The following EYS variants were observed in gnomAD, a reference collection of about 807,000 sequenced individuals.
EYS encodes protein eyes shut homolog.
A neutral mutation model predicts 282.1 loss-of-function variants in EYS; 250 were observed. That is an observed-to-expected ratio of 0.89 (90% CI 0.80 to 0.98). The LOEUF is 0.98. EYS is among the 50% of genes least tolerant of loss of function. The pLI is 0.00. For missense variants in EYS, 4,016 were observed against 3,709.0 expected (o/e 1.08, Z -2.15); for synonymous variants, 1,355 against 1,282.9 (o/e 1.06, Z -1.20).
intron 12 of EYS, among the ~76,000 whole-genome samples, chr6:65,097,139 A>T (rs540620268): frequency 1.3e-5 from 2 of 151,268 alleles, no homozygotes; most frequent in South Asian, 4.2e-4. Flanking sequence ...TACTCCTACA[A>T]TTCAAAAACA....
At chr6:65,145,231 A>G (rs1252814965) in intron 12 of EYS, among the ~76,000 whole-genome samples, 1 of 152,098 alleles carries the variant, frequency 6.6e-6, no homozygotes, top group Non-Finnish European at 1.5e-5. Flanking sequence ...TTTGATATTA[A>G]TATTTAAAAA....
At chr6:64,555,726 G>C (rs989147446) in intron 26 of EYS, among the ~76,000 whole-genome samples, 68 of 151,966 alleles carry the variant, frequency 4.5e-4, no homozygotes, top group African/African-American at 1.6e-3. Flanking sequence ...GATCAAATCA[G>C]GGTAATTGGG....
chr6:63,939,611 T>A (rs1330272398), intron 35 of EYS, among the ~76,000 whole-genome samples: 1 of 152,180 alleles, frequency 6.6e-6, no homozygotes, highest in Non-Finnish European at 1.5e-5. Context: ...ATGGGTTCAC[T>A]TATATATGGA....
intron 12 of EYS, among the ~76,000 whole-genome samples, chr6:65,244,347 C>T (rs1020342979): frequency 2.6e-5 from 4 of 151,950 alleles, no homozygotes; most frequent in Non-Finnish European, 2.9e-5. Context: ...TTCACTTTAC[C>T]TACAAATTAA....
chr6:64,689,808 C>T (rs1254083796), intron 22 of EYS, among the ~76,000 whole-genome samples: 1 of 152,242 alleles, frequency 6.6e-6, no homozygotes, highest in East Asian at 1.9e-4. Flanking sequence ...CTTCCTTACA[C>T]CTTATGCAAA....
intron 36 of EYS, among the ~76,000 whole-genome samples, chr6:63,853,383 A>G (rs1470987156): frequency 1.3e-5 from 2 of 152,204 alleles, no homozygotes; most frequent in East Asian, 1.9e-4. Flanking sequence ...GCCATTCACA[A>G]TTGCTACAAA....
At chr6:64,031,246 C>A (rs945379196) in intron 33 of EYS, among the ~76,000 whole-genome samples, 6 of 152,214 alleles carry the variant, frequency 3.9e-5, no homozygotes, top group Non-Finnish European at 7.4e-5. Context: ...CAGCTCCGCA[C>A]TCAGAGGGGC....
rs1772554849 is a variant in EYS, at chr6:65,030,251, T to C, written c.2137+27363A>G. Among the ~76,000 whole-genome samples the C allele has an allele frequency of 7.2e-5, 11 of 152,270 alleles. No homozygotes were observed. The South Asian group carries it at 1.9e-3, about 26-fold the overall frequency. On this transcript the variant is annotated intron_variant, in intron 13 of 42. Transcript: ENST00000503581. The stretch of plus-strand genomic sequence containing the variant: ...ACTCCTAGGGTCCCTGCTTGGCTGA[T>C]GCTGCTTGCAGCACAGTGTCAGATG...
chr6:65,670,481 T>G (rs1168062997), intron 1 of EYS, among the ~76,000 whole-genome samples: 1 of 152,120 alleles, frequency 6.6e-6, no homozygotes, highest in Non-Finnish European at 1.5e-5. Context: ...TGTGTGCTAC[T>G]GTTCTGTGCC....
chr6:63,874,345 T>A (rs551742948), intron 35 of EYS, among the ~76,000 whole-genome samples: 1 of 152,324 alleles, frequency 6.6e-6, no homozygotes, highest in South Asian at 2.1e-4. Flanking sequence ...TTCTGTTCCA[T>A]TGGTCTATAT....
At chr6:63,853,107 A>G (rs1332846026) in intron 36 of EYS, among the ~76,000 whole-genome samples, 1 of 152,182 alleles carries the variant, frequency 6.6e-6, no homozygotes, top group Non-Finnish European at 1.5e-5. Context: ...ACTCCTATTC[A>G]ACATAGTATT....
At chr6:64,821,589 T>G in intron 21 of EYS, 56 bp downstream of exon 21, 1 of 933,644 alleles carries the variant, frequency 1.1e-6, no homozygotes, top group African/African-American at 1.7e-5. Flanking sequence ...AGCAATTTGA[T>G]TTTTCTTTTA....
intron 30 of EYS, among the ~76,000 whole-genome samples, chr6:64,276,461 A>G (rs953983443): frequency 6.6e-6 from 1 of 152,202 alleles, no homozygotes; most frequent in African/African-American, 2.4e-5. Context: ...AAATCATGTA[A>G]TAATTCTAAT....
At chr6:65,664,404 A>G (rs1768130767) in intron 1 of EYS, among the ~76,000 whole-genome samples, 1 of 152,188 alleles carries the variant, frequency 6.6e-6, no homozygotes, top group Admixed American at 6.5e-5. Context: ...TACAAAACCC[A>G]TGGATAACTT....
chr6:64,546,240 T>G (rs1012424693), intron 26 of EYS, among the ~76,000 whole-genome samples: 2 of 152,150 alleles, frequency 1.3e-5, no homozygotes, highest in East Asian at 1.9e-4. Context: ...CATCTGATCT[T>G]TGACAAACCT....
chr6:63,938,574 T>C (rs1352842148), intron 35 of EYS, among the ~76,000 whole-genome samples: 1 of 152,230 alleles, frequency 6.6e-6, no homozygotes, highest in Non-Finnish European at 1.5e-5. Context: ...AAATGTGGTT[T>C]AATTCTCTTG....
At chr6:64,174,422 G>C (rs1764566548) in intron 31 of EYS, among the ~76,000 whole-genome samples, 1 of 151,844 alleles carries the variant, frequency 6.6e-6, no homozygotes, top group South Asian at 2.1e-4. Flanking sequence ...ACTTATAATA[G>C]TAATACTTAA....
chr6:65,514,942 G>T (rs1184871118), intron 2 of EYS, among the ~76,000 whole-genome samples: 2 of 152,024 alleles, frequency 1.3e-5, no homozygotes, highest in African/African-American at 4.8e-5. Flanking sequence ...TGACAAATGG[G>T]ATCTAATTAA....
intron 31 of EYS, among the ~76,000 whole-genome samples, chr6:64,111,351 C>A (rs1773196511): frequency 6.6e-6 from 1 of 151,900 alleles, no homozygotes; most frequent in Non-Finnish European, 1.5e-5. Flanking sequence ...TAGGCACCCA[C>A]CATAGGAGAA....
Sources: gnomAD v4.1 joint callset for allele counts (sites outside exome capture counted in the v4.1 genomes callset) on GRCh38, gnomAD v4.1.1 for gene constraint, MANE v1.5 for transcripts, NCBI Gene and HGNC (gene_info 2026-07-23, HGNC 2026-07-21) for gene names.